The following ORMDL1 variants were observed in gnomAD, a reference collection of about 807,000 sequenced individuals.
ORMDL1 encodes the protein ORM1-like protein 1.
ORMDL1 carries 10 observed loss-of-function variants against 13.0 expected under a neutral mutation model. That is an observed-to-expected ratio of 0.77 (90% CI 0.47 to 1.30). ORMDL1 has a LOEUF of 1.30. Among genes scored for constraint, ORMDL1 ranks in the 50% most tolerant of loss-of-function variants. The probability of loss-of-function intolerance (pLI) is 0.00; values close to 1 mark genes in which losing one functional copy is unlikely to be tolerated. For missense variants in ORMDL1, 171 were observed against 186.7 expected, an observed-to-expected ratio of 0.92 and a Z score of 0.49; for synonymous variants, 61 against 63.9, an observed-to-expected ratio of 0.95 and a Z score of 0.22.
At chr2:189,776,102 G>A (rs1382984038) in intron 3 of ORMDL1, among the ~76,000 whole-genome samples, 1 of 152,048 alleles carries the variant, frequency 6.6e-6, no homozygotes. Context: ...TAGTAAATTT[G>A]ATGATACTTA....
At chr2:189,767,211 T>A (rs890844255), downstream of ORMDL1, among the ~76,000 whole-genome samples, 1 of 152,236 alleles carries the variant, frequency 6.6e-6, no homozygotes, top group Non-Finnish European at 1.5e-5. Flanking sequence ...TGTGTGGGTC[T>A]ATGTGTGGTT....
chr2:189,770,251 T>C (rs1354241714), downstream of ORMDL1: 1 of 152,206 alleles, frequency 6.6e-6, no homozygotes, highest in African/African-American at 2.4e-5. Flanking sequence ...ATTTTACGAA[T>C]TCAGTTGCTT....
chr2:189,767,922 T>A (rs1285745562), downstream of ORMDL1, among the ~76,000 whole-genome samples: 1 of 152,246 alleles, frequency 6.6e-6, no homozygotes, highest in Non-Finnish European at 1.5e-5. Context: ...CAACTTGAGA[T>A]AAAATCATCC....
chr2:189,765,838 CA>C (rs2047473704), downstream of ORMDL1, among the ~76,000 whole-genome samples: 1 of 121,510 alleles, frequency 8.2e-6, no homozygotes, highest in Admixed American at 8.6e-5. Flanking sequence ...TTACTTTCTC[CA>C]TTTTTTTTTT....
chr2:189,764,625 G>T, the ORMDL1 span, among the ~76,000 whole-genome samples: 1 of 152,098 alleles, frequency 6.6e-6, no homozygotes, highest in African/African-American at 2.4e-5. Context: ...GCTCTCTGAG[G>T]CCTGTCTGTA....
intron 1 of ORMDL1, chr2:189,783,625 T>TAA (rs2047965369): frequency 6.6e-6 from 1 of 152,230 alleles, no homozygotes; most frequent in African/African-American, 2.4e-5. Flanking sequence ...CTAAGACCGC[T>TAA]AAAGCCTCCA....
downstream of ORMDL1, among the ~76,000 whole-genome samples, chr2:189,768,091 G>A (rs775175265): frequency 5.9e-5 from 9 of 152,162 alleles, no homozygotes; most frequent in Non-Finnish European, 1.2e-4. Flanking sequence ...ACCTGGAACT[G>A]AAATTAGGCA....
chr2:189,773,735 A>AAAAAAAAAAAAAC (rs2047631225), intron 4 of ORMDL1, among the ~76,000 whole-genome samples: 1 of 151,376 alleles, frequency 6.6e-6, no homozygotes, highest in Non-Finnish European at 1.5e-5. Context: ...AAAAAAAAAA[A>AAAAAAAAAAAAAC]ATTCTGGAAT....
At chr2:189,775,853 G>T in intron 3 of ORMDL1, 137 bp from the exon 4 acceptor site, 1 of 721,198 alleles carries the variant, frequency 1.4e-6, no homozygotes. Flanking sequence ...TCATATAATA[G>T]TGAAAGGCTG....
At chr2:189,781,414 A>AT (rs569283809) in intron 3 of ORMDL1, among the ~76,000 whole-genome samples, 29 of 152,152 alleles carry the variant, frequency 1.9e-4, no homozygotes, top group African/African-American at 6.5e-4. Context: ...CGCTGTCAAG[A>AT]TTTTTTGTTT....
In ORMDL1 at chr2:189,771,778, T is replaced by C. The variant is rs1553547178; in HGVS notation, c.451A>G (p.Asn151Asp). 6.3e-7 allele frequency: 1 copy of C among 1,591,244 alleles called. No homozygotes were observed. The highest frequency in any genetic ancestry group is 8.5e-7 in the Non-Finnish European group (1 of 1,173,924). The change falls in exon 5 of 5, where the codon AAT (asparagine) becomes GAT (aspartate). Residue 151 changes from asparagine to aspartate, a missense_variant. Physicochemically the swap from Asn to Asp is conservative, Grantham distance 23. Transcript: ENST00000392349. ...QLHGVRIFGINKY is the reference protein window; with the variant it reads ...QLHGVRIFGIDKY Reference sequence around the variant, plus strand: ...AGTTTCAAAACATTTCAATACTTATTAATTCCAAAGATCCGAACACCATGT... The same window carrying C: ...AGTTTCAAAACATTTCAATACTTATCAATTCCAAAGATCCGAACACCATGT...
chr2:189,773,619 G>A (rs1483653858), intron 4 of ORMDL1, among the ~76,000 whole-genome samples: 4 of 150,810 alleles, frequency 2.7e-5, no homozygotes, highest in African/African-American at 4.9e-5. Flanking sequence ...CTACTGGGGA[G>A]GCTGAGGCAG....
intron 4 of ORMDL1, 79 bp from the exon 5 acceptor site, chr2:189,771,981 A>T (rs1482289218): frequency 9.1e-7 from 1 of 1,101,976 alleles, no homozygotes; most frequent in Non-Finnish European, 1.2e-6. Flanking sequence ...TAAAGGTAGA[A>T]AAAAAGGCCA....
Position 189,771,915 on chromosome 2 carries a change from A to C in ORMDL1, c.327-13T>G, listed in dbSNP as rs2106139946. On this transcript the variant is annotated splice_polypyrimidine_tract_variant and intron_variant, in intron 4 of 4. Coordinates refer to ENST00000392349, the MANE Select transcript of ORMDL1 (RefSeq NM_016467.5). ...TGCCAGAAAATATCTGTAGAGATAAAAGTTAAGAATATATATAACATCCAA... is the reference window on the plus strand; with the variant it reads ...TGCCAGAAAATATCTGTAGAGATAACAGTTAAGAATATATATAACATCCAA... 2 of 1,553,072 alleles carry C rather than the reference A, an allele frequency of 1.3e-6. No homozygotes were observed. Among genetic ancestry groups the C allele is most frequent in the South Asian group, 2.4e-5 (2 of 83,692 alleles).
At chr2:189,778,501 C>T (rs2047750245) in intron 3 of ORMDL1, 1 of 452,536 alleles carries the variant, frequency 2.2e-6, no homozygotes, top group African/African-American at 2.0e-5. Flanking sequence ...ATGACAAACA[C>T]ATGATAAAAG....
chr2:189,766,216 T>C (rs1399619883), downstream of ORMDL1, among the ~76,000 whole-genome samples: 1 of 152,240 alleles, frequency 6.6e-6, no homozygotes, highest in Non-Finnish European at 1.5e-5. Context: ...ATCAGGTCTT[T>C]GGAAGATATT....
rs141334449 is a variant in ORMDL1, at chr2:189,782,697, T to G, written c.-7-95A>C. The G allele has an allele frequency of 3.9e-4, 461 of 1,182,846 alleles. 2 individuals are homozygous for G. The African/African-American group carries it at 6.1e-3, about 16-fold the overall frequency. 73.3% of individuals were successfully genotyped at this position (1,182,846 alleles called of 1,614,324 possible). ...CAAGGTACCTGTGTTGCGAGGATTA[T>G]TTTTTCCTAGTTACTTTGAAGTAGC... On this transcript the variant is annotated intron_variant, in intron 2 of 4. Coordinates refer to ENST00000392349, the MANE Select transcript of ORMDL1 (RefSeq NM_016467.5).
intron 3 of ORMDL1, among the ~76,000 whole-genome samples, chr2:189,776,630 A>AT (rs1232541591): frequency 1.3e-5 from 2 of 152,088 alleles, no homozygotes; most frequent in Non-Finnish European, 2.9e-5. Context: ...AAAATTAGGG[A>AT]TTTGAAATTT....
downstream of ORMDL1, among the ~76,000 whole-genome samples, chr2:189,765,723 G>A (rs929646656): frequency 2.6e-5 from 4 of 151,962 alleles, no homozygotes; most frequent in African/African-American, 9.7e-5. Flanking sequence ...AAATGTGTGT[G>A]GTGCTTTTAA....
Sources: allele counts gnomAD v4.1 joint callset (sites outside exome capture counted in the v4.1 genomes callset), GRCh38; gene constraint gnomAD v4.1.1; transcripts MANE v1.5; gene names NCBI Gene and HGNC (gene_info 2026-07-23, HGNC 2026-07-21).